Variants in TENM3 observed in about 807,000 individuals in gnomAD.
TENM3 encodes the protein teneurin transmembrane protein 3, also known as teneurin-3.
A neutral mutation model predicts 255.1 loss-of-function variants in TENM3; 63 were observed. The ratio of observed to expected loss-of-function variants is 0.25; its 90% CI spans 0.20 to 0.30. The LOEUF (loss-of-function observed/expected upper bound fraction) is 0.30. Ranked by LOEUF, TENM3 falls within the 10% of genes least tolerant of loss-of-function variation. TENM3 has a pLI of 1.00. For synonymous variants in TENM3, 1,306 were observed against 1,322.3 expected (o/e 0.99, Z 0.27); for missense variants, 2,929 against 3,461.1 (o/e 0.85, Z 3.86).
At chr4:182,339,601 T>C (rs1242827213) in intron 2 of TENM3, among the ~76,000 whole-genome samples, 2 of 152,178 alleles carry the variant, frequency 1.3e-5, no homozygotes, top group Non-Finnish European at 1.5e-5. Flanking sequence ...TCCCCCTGCC[T>C]CGGCCTTCAT....
At chr4:181,844,083 A>G in the TENM3 span, among the ~76,000 whole-genome samples, 276 of 152,086 alleles carry the variant, frequency 1.8e-3, no homozygotes, top group Non-Finnish European at 3.3e-3. Context: ...AGTGTGTGAA[A>G]GAGAGAAAGA....
chr4:181,608,472 T>A, the TENM3 span, among the ~76,000 whole-genome samples: 1 of 152,120 alleles, frequency 6.6e-6, no homozygotes, highest in African/African-American at 2.4e-5. Flanking sequence ...AGGTAGTTGA[T>A]TGCTTTGGAG....
chr4:182,546,875 T>C (rs1741502231), intron 3 of TENM3, among the ~76,000 whole-genome samples: 1 of 152,206 alleles, frequency 6.6e-6, no homozygotes, highest in Non-Finnish European at 1.5e-5. Context: ...CTTCAAAAGC[T>C]GTTCATATTG....
chr4:182,660,870 A>G (rs541432529), intron 6 of TENM3, among the ~76,000 whole-genome samples: 1 of 152,338 alleles, frequency 6.6e-6, no homozygotes, highest in East Asian at 1.9e-4. Flanking sequence ...ATGGGAATCG[A>G]GCGAGTTATT....
chr4:182,278,915 T>A (rs1272809013), intron 1 of TENM3, among the ~76,000 whole-genome samples: 1 of 152,162 alleles, frequency 6.6e-6, no homozygotes, highest in African/African-American at 2.4e-5. Context: ...GCACAGGCAG[T>A]AAGTGCCACA....
intron 1 of TENM3, among the ~76,000 whole-genome samples, chr4:182,318,893 G>C (rs918020564): frequency 1.3e-5 from 2 of 151,810 alleles, no homozygotes; most frequent in African/African-American, 4.8e-5. Context: ...TCAGCCTCCT[G>C]AGTAGCTAGA....
chr4:182,187,652 A>T (rs1455431011), intron 1 of TENM3, among the ~76,000 whole-genome samples: 1 of 152,188 alleles, frequency 6.6e-6, no homozygotes, highest in Non-Finnish European at 1.5e-5. Flanking sequence ...TTGGTTGAAC[A>T]GAAATTAATT....
At chr4:181,454,615 T>C in the TENM3 span, among the ~76,000 whole-genome samples, 1 of 146,170 alleles carries the variant, frequency 6.8e-6, no homozygotes, top group Non-Finnish European at 1.5e-5. Context: ...TTTTAACCAT[T>C]TGTATATCAT....
At chr4:182,087,581 T>C in the TENM3 span, among the ~76,000 whole-genome samples, 39 of 152,260 alleles carry the variant, frequency 2.6e-4, no homozygotes, top group African/African-American at 9.4e-4. Flanking sequence ...AGGATGGAAG[T>C]CTGAGAGGCA....
chr4:181,473,632 G>T, the TENM3 span, among the ~76,000 whole-genome samples: 101 of 151,710 alleles, frequency 6.7e-4, no homozygotes, highest in South Asian at 1.2e-3. Flanking sequence ...AAAAAAAATC[G>T]TTCTTGAGCA....
At chr4:182,105,800 C>T in the TENM3 span, among the ~76,000 whole-genome samples, 1 of 152,166 alleles carries the variant, frequency 6.6e-6, no homozygotes, top group African/African-American at 2.4e-5. Flanking sequence ...TGGCCTGACT[C>T]AAAGCTCCCA....
chr4:181,789,861 A>G, the TENM3 span, among the ~76,000 whole-genome samples: 1 of 152,086 alleles, frequency 6.6e-6, no homozygotes, highest in Non-Finnish European at 1.5e-5. Flanking sequence ...CCCCGGTACC[A>G]TGTCCTATGC....
At chr4:181,524,750 T>C in the TENM3 span, among the ~76,000 whole-genome samples, 78 of 151,896 alleles carry the variant, frequency 5.1e-4, no homozygotes, top group Non-Finnish European at 1.0e-3. Context: ...TGCTTGGAGG[T>C]TGGTTTACCA....
At chr4:182,497,878 A>ATATATATATATATATATATG (rs1446346027) in intron 3 of TENM3, among the ~76,000 whole-genome samples, 2 of 142,998 alleles carry the variant, frequency 1.4e-5, no homozygotes, top group Admixed American at 7.0e-5. Flanking sequence ...ATATATATAT[A>ATATATATATATATATATATG]TATATCTCAA....
the TENM3 span, among the ~76,000 whole-genome samples, chr4:181,803,213 G>A: frequency 2.0e-5 from 3 of 152,144 alleles, no homozygotes; most frequent in Non-Finnish European, 4.4e-5. Flanking sequence ...ATCTCCATCA[G>A]TGACAACCCA....
At chr4:181,888,326 T>A in the TENM3 span, among the ~76,000 whole-genome samples, 53,816 of 150,706 alleles carry the variant, frequency 0.36, 10,083 homozygotes, top group East Asian at 0.64. Flanking sequence ...CCACTGTGCC[T>A]GGCCAAGGCT....
chr4:181,858,954 G>A, the TENM3 span, among the ~76,000 whole-genome samples: 1 of 152,112 alleles, frequency 6.6e-6, no homozygotes, highest in African/African-American at 2.4e-5. Context: ...TATTTGGGAA[G>A]ATTAATCCAA....
intron 3 of TENM3, among the ~76,000 whole-genome samples, chr4:182,585,391 A>G (rs926951151): frequency 1.3e-5 from 2 of 152,140 alleles, no homozygotes; most frequent in African/African-American, 4.8e-5. Context: ...CTATGTGACT[A>G]TTGGAGCTAG....
chr4:182,278,122 T>A (rs1387279413), intron 1 of TENM3, among the ~76,000 whole-genome samples: 1 of 152,128 alleles, frequency 6.6e-6, no homozygotes, highest in Non-Finnish European at 1.5e-5. Flanking sequence ...ATCCCAGCAC[T>A]TTGGGAGGCC....
Sources: gnomAD v4.1 joint callset for allele counts (sites outside exome capture counted in the v4.1 genomes callset) on GRCh38, gnomAD v4.1.1 for gene constraint, MANE v1.5 for transcripts, NCBI Gene and HGNC (gene_info 2026-07-23, HGNC 2026-07-21) for gene names.